NR3C2: variants seen among roughly 807,000 people sequenced by gnomAD.
NR3C2 encodes mineralocorticoid receptor.
A neutral mutation model predicts 86.4 loss-of-function variants in NR3C2; 15 were observed. That is an observed-to-expected ratio of 0.17 (90% CI 0.12 to 0.27). The LOEUF is 0.27. Ranked by LOEUF, NR3C2 falls within the 10% of genes least tolerant of loss-of-function variation. The pLI, the probability that NR3C2 is intolerant of heterozygous loss-of-function variation, is 1.00. For missense variants in NR3C2, 960 were observed against 1,195.6 expected (o/e 0.80, Z 2.91); for synonymous variants, 458 against 450.5 (o/e 1.02, Z -0.21).
chr4:148,348,690 A>G (rs1249581853), intron 2 of NR3C2, among the ~76,000 whole-genome samples: 3 of 152,140 alleles, frequency 2.0e-5, no homozygotes, highest in Admixed American at 2.0e-4. Context: ...TTGCCTGGAT[A>G]ACAGATAGCT....
chr4:148,191,512 T>C (rs1480941034), intron 4 of NR3C2, among the ~76,000 whole-genome samples: 1 of 152,250 alleles, frequency 6.6e-6, no homozygotes, highest in Non-Finnish European at 1.5e-5. Flanking sequence ...GTGCTTCTTA[T>C]ATTTGGATGT....
At chr4:148,177,825 G>A (rs942767150) in intron 4 of NR3C2, among the ~76,000 whole-genome samples, 1 of 152,092 alleles carries the variant, frequency 6.6e-6, no homozygotes, top group African/African-American at 2.4e-5. Context: ...CCTCACCCCA[G>A]AACTTATCCT....
chr4:148,126,293 A>T (rs577021238), intron 6 of NR3C2, among the ~76,000 whole-genome samples: 2 of 152,354 alleles, frequency 1.3e-5, no homozygotes, highest in South Asian at 4.1e-4. Flanking sequence ...GCAAGCTCTT[A>T]AATTATACTT....
intron 3 of NR3C2, among the ~76,000 whole-genome samples, chr4:148,215,092 TA>T (rs917179054): frequency 8.5e-5 from 13 of 152,198 alleles, no homozygotes; most frequent in Admixed American, 7.9e-4. Context: ...TTCTTATCTT[TA>T]TGCCTAAGCA....
At chr4:148,371,077 A>G (rs1012895134) in intron 2 of NR3C2, among the ~76,000 whole-genome samples, 11 of 152,134 alleles carry the variant, frequency 7.2e-5, no homozygotes, top group Admixed American at 5.9e-4. Context: ...GTAGGTATAT[A>G]TATTTATGGG....
rs72658676 is a variant in NR3C2, at chr4:148,422,789, C to T, written c.1757+12315G>A. 6.2e-4 allele frequency among the ~76,000 whole-genome samples: 94 copies of T among 152,100 alleles called. 1 individual carries two copies. The highest frequency in any genetic ancestry group is 6.8e-3 in the Middle Eastern group (2 of 294). The stretch of plus-strand genomic sequence containing the variant: ...TTCCATTTCCTGGGGGTATTTTTTT[C>T]TGTAGTCTAATAAAAGGTACTCCAT... On this transcript the variant is annotated intron_variant, in intron 2 of 8. Transcript: ENST00000358102.
At chr4:148,301,139 A>G (rs1742318794) in intron 2 of NR3C2, among the ~76,000 whole-genome samples, 1 of 152,104 alleles carries the variant, frequency 6.6e-6, no homozygotes, top group South Asian at 2.1e-4. Context: ...TCCAATTAGG[A>G]GATGGCAAAC....
chr4:148,170,322 T>C (rs778243212), intron 4 of NR3C2, among the ~76,000 whole-genome samples: 20 of 152,180 alleles, frequency 1.3e-4, no homozygotes, highest in Non-Finnish European at 2.2e-4. Flanking sequence ...ATATCTTGGG[T>C]ATATAAAAAA....
intron 8 of NR3C2, among the ~76,000 whole-genome samples, chr4:148,104,347 T>C (rs1731693351): frequency 8.9e-6 from 1 of 111,972 alleles, no homozygotes; most frequent in Non-Finnish European, 1.8e-5. Context: ...GTTTGGTTTT[T>C]TTTTTTTTTT....
Position 148,435,416 on chromosome 4 carries a change from C to A in NR3C2, c.1445G>T (p.Gly482Val). The A allele has an allele frequency of 6.2e-7, 1 of 1,614,138 alleles. No homozygotes were observed. Among genetic ancestry groups the A allele is most frequent in the African/African-American group, 1.3e-5 (1 of 75,014 alleles). The change falls in exon 2 of 9, where the codon GGT becomes GTT. Residue 482 changes from glycine to valine, a missense_variant. By Grantham distance (109) the Gly-to-Val change is moderately radical. This residue lies in a region of NR3C2 where 680 missense variants were observed against 719.0 expected (regional missense o/e 0.95). Transcript: ENST00000358102. Reference protein sequence around the residue: ...ILGPPVPGFDGNCEGSGFPVG... With the variant: ...ILGPPVPGFDVNCEGSGFPVG... ...TGGGAATCCGCTGCCTTCACAGTTA[C>A]CATCAAAGCCGGGCACAGGTGGTCC...
At chr4:148,419,453 A>G (rs2126599951) in intron 2 of NR3C2, among the ~76,000 whole-genome samples, 1 of 152,338 alleles carries the variant, frequency 6.6e-6, no homozygotes, top group East Asian at 1.9e-4. Flanking sequence ...TATTCAGAAA[A>G]GATTATTTGC....
At chr4:148,337,862 C>T (rs573551496) in intron 2 of NR3C2, among the ~76,000 whole-genome samples, 3 of 152,070 alleles carry the variant, frequency 2.0e-5, no homozygotes, top group Admixed American at 6.5e-5. Context: ...TGGGAAAGGA[C>T]GTAGAATAAA....
intron 4 of NR3C2, among the ~76,000 whole-genome samples, chr4:148,183,943 G>A (rs1735760729): frequency 6.6e-6 from 1 of 152,094 alleles, no homozygotes; most frequent in Non-Finnish European, 1.5e-5. Flanking sequence ...GGTAAAGTCT[G>A]GAGATATTTT....
At chr4:148,247,315 T>C (rs1456561718) in intron 3 of NR3C2, among the ~76,000 whole-genome samples, 1 of 152,212 alleles carries the variant, frequency 6.6e-6, no homozygotes, top group Admixed American at 6.5e-5. Context: ...TTTGTTCACA[T>C]CTCATCCCAA....
At chr4:148,097,956 C>T (rs888275406) in intron 8 of NR3C2, among the ~76,000 whole-genome samples, 1 of 152,046 alleles carries the variant, frequency 6.6e-6, no homozygotes, top group African/African-American at 2.4e-5. Context: ...AATATGGCTT[C>T]TTCATCTCCC....
chr4:148,409,518 A>G (rs547931235), intron 2 of NR3C2, among the ~76,000 whole-genome samples: 1 of 152,216 alleles, frequency 6.6e-6, no homozygotes, highest in South Asian at 2.1e-4. Context: ...TTTTAAACCT[A>G]AACTTCACCT....
At chr4:148,369,817 T>TA (rs1181299968) in intron 2 of NR3C2, among the ~76,000 whole-genome samples, 1 of 151,920 alleles carries the variant, frequency 6.6e-6, no homozygotes, top group Non-Finnish European at 1.5e-5. Context: ...GGCGATAAAA[T>TA]AAAAAAGTGA....
chr4:148,354,971 T>C (rs1161592751), intron 2 of NR3C2, among the ~76,000 whole-genome samples: 1 of 152,002 alleles, frequency 6.6e-6, no homozygotes. Context: ...TTTTATGCTA[T>C]TTAAAAAAAA....
intron 2 of NR3C2, among the ~76,000 whole-genome samples, chr4:148,398,108 A>G (rs1190225750): frequency 6.6e-6 from 1 of 152,132 alleles, no homozygotes; most frequent in Non-Finnish European, 1.5e-5. Flanking sequence ...TTATAAAGAC[A>G]CCAGCTATTG....
Sources: gnomAD v4.1 joint callset for allele counts (sites outside exome capture counted in the v4.1 genomes callset) on GRCh38, gnomAD v4.1.1 for gene constraint, gnomAD v4.1.1 regional missense constraint, MANE v1.5 for transcripts, NCBI Gene and HGNC (gene_info 2026-07-23, HGNC 2026-07-21) for gene names.